MMP20: variants seen among roughly 807,000 people sequenced by gnomAD.
The protein encoded by MMP20 is matrix metallopeptidase 20.
In MMP20, 50 loss-of-function variants were observed where a neutral mutation model predicts 51.8. The observed-to-expected ratio is 0.97, with a 90% CI of 0.77 to 1.22. MMP20 has a LOEUF of 1.22. MMP20 is among the 50% of genes most tolerant of loss of function. The pLI is 0.00. For synonymous variants in MMP20, 244 were observed against 216.2 expected, an observed-to-expected ratio of 1.13 and a Z score of -1.13; for missense variants, 663 against 601.4, an observed-to-expected ratio of 1.10 and a Z score of -1.07.
chr11:102,592,279 C>T (rs1784444), intron 8 of MMP20, among the ~76,000 whole-genome samples: 77,309 of 151,988 alleles, frequency 0.51, 20,266 homozygotes, highest in South Asian at 0.67. Flanking sequence ...AAATAGCTGG[C>T]CTAGTGGCTT....
chr11:102,584,828 A>G (rs939040039), intron 8 of MMP20, among the ~76,000 whole-genome samples: 1 of 152,138 alleles, frequency 6.6e-6, no homozygotes, highest in African/African-American at 2.4e-5. Context: ...GTCTAAGTCC[A>G]TTCTTTTGCA....
At chr11:102,604,071 G>T (rs1355354568) in intron 6 of MMP20, among the ~76,000 whole-genome samples, 1 of 151,466 alleles carries the variant, frequency 6.6e-6, no homozygotes, top group Non-Finnish European at 1.5e-5. Flanking sequence ...GAATGAAATG[G>T]TATCATATGT....
At chr11:102,618,505 C>T (rs4285839) in intron 1 of MMP20, among the ~76,000 whole-genome samples, 63,554 of 151,254 alleles carry the variant, frequency 0.42, 13,643 homozygotes, top group South Asian at 0.59. Flanking sequence ...ATATATTATC[C>T]TATATTTATA....
rs758826999 is a variant in MMP20 at position 102,594,724 on chromosome 11, T to C, written c.987A>G (p.Thr329=). Residue 329 remains threonine (T), a synonymous_variant, in exon 7 of 10, where the codon ACA becomes ACG. Transcript: ENST00000260228. ...TGGTAATAGTGCTGGGCCGAATTCC[T>C]GTCCGCAAGTGAACCTGCCGTCTCC... The part of the protein sequence containing the change: ...IFWRRQVHLR[T]GIRPSTITSS... 29 of 1,606,534 alleles carry C rather than the reference T, an allele frequency of 1.8e-5. No individual in the cohort carries two copies. Among genetic ancestry groups the C allele is most frequent in the Admixed American group, 3.4e-5 (2 of 58,818 alleles).
chr11:102,605,091 G>A (rs1859497111), intron 6 of MMP20, among the ~76,000 whole-genome samples: 1 of 152,222 alleles, frequency 6.6e-6, no homozygotes, highest in Non-Finnish European at 1.5e-5. Context: ...ATGAGGTCAT[G>A]AGGGTGGGGG....
In MMP20 at chr11:102,594,692, A is replaced by T. The variant is rs1331154559; in HGVS notation, c.1019T>A (p.Phe340Tyr). 1 of 1,611,958 alleles carries T rather than the reference A, an allele frequency of 6.2e-7. No individual in the cohort carries two copies. Reference sequence around the variant, plus strand: ...ATCCACATTGGACATGAGCTGGGGGAAGGAGCTGGTAATAGTGCTGGGCCG... The same window carrying T: ...ATCCACATTGGACATGAGCTGGGGGTAGGAGCTGGTAATAGTGCTGGGCCG... Reference protein sequence around the residue: ...GIRPSTITSSFPQLMSNVDAA... With the variant: ...GIRPSTITSSYPQLMSNVDAA... The change falls in exon 7 of 10, where the codon TTC becomes TAC. Residue 340 changes from phenylalanine to tyrosine, a missense_variant. Coordinates refer to ENST00000260228, the MANE Select transcript of MMP20 (RefSeq NM_004771.4).
chr11:102,608,838 T>G lies in MMP20; in HGVS notation c.811+99A>C, dbSNP rs185325304. On this transcript the variant is annotated intron_variant, in intron 5 of 9. Transcript: ENST00000260228. ...CATAGTTGGGGTTATGGTTTCTAGATTGATCTTTACCAATGCAGATAAAAT... is the reference window on the plus strand; with the variant it reads ...CATAGTTGGGGTTATGGTTTCTAGAGTGATCTTTACCAATGCAGATAAAAT... 1.6e-5 allele frequency: 20 copies of G among 1,275,582 alleles called. No individual in the cohort carries two copies. In the African/African-American group the frequency reaches 2.6e-4, roughly 17 times the overall value. 79.0% of individuals were successfully genotyped at this position (1,275,582 alleles called of 1,614,324 possible).
chr11:102,593,725 A>G, intron 7 of MMP20, 130 bp from the exon 8 acceptor site: 1 of 979,522 alleles, frequency 1.0e-6, no homozygotes, highest in Non-Finnish European at 1.6e-6. Flanking sequence ...TAACCCAACA[A>G]GAGATATAAG....
intron 1 of MMP20, among the ~76,000 whole-genome samples, chr11:102,624,957 A>C (rs760522443): frequency 6.6e-6 from 1 of 152,196 alleles, no homozygotes; most frequent in African/African-American, 2.4e-5. Flanking sequence ...TTCTTTATGA[A>C]GCAAGATAGC....
Position 102,621,035 on chromosome 11 carries a change from A to G in MMP20, c.127-3976T>C, listed in dbSNP as rs538900033. On this transcript the variant is annotated intron_variant, in intron 1 of 9. Transcript: ENST00000260228. ...CATCTGCGTGGCTGGCCCACCCTTC[A>G]GGGTCAGCAGCTTAACTCTTTCTCT... 1.4e-4 allele frequency among the ~76,000 whole-genome samples: 21 copies of G among 152,262 alleles called. No individual in the cohort carries two copies. The South Asian group carries it at 4.4e-3, about 32-fold the overall frequency.
chr11:102,621,848 CTT>C (rs1422392390), intron 1 of MMP20, among the ~76,000 whole-genome samples: 4 of 152,060 alleles, frequency 2.6e-5, no homozygotes, highest in Non-Finnish European at 4.4e-5. Flanking sequence ...TTTAAAAAGT[CTT>C]TATCATAGAA....
intron 6 of MMP20, among the ~76,000 whole-genome samples, chr11:102,595,014 C>A (rs1200482913): frequency 6.6e-6 from 1 of 151,730 alleles, no homozygotes; most frequent in African/African-American, 2.4e-5. Context: ...CTCCACCTCT[C>A]CAGTTCAAGC....
At chr11:102,595,229 C>A (rs918583837) in intron 6 of MMP20, among the ~76,000 whole-genome samples, 1 of 152,142 alleles carries the variant, frequency 6.6e-6, no homozygotes, top group South Asian at 2.1e-4. Flanking sequence ...GTCCATTCCA[C>A]CCTTGCCATG....
intron 8 of MMP20, among the ~76,000 whole-genome samples, chr11:102,584,503 G>A (rs530951162): frequency 7.8e-4 from 119 of 152,140 alleles, no homozygotes; most frequent in Middle Eastern, 6.8e-3. Context: ...TTGAATAGTC[G>A]TTTATATATT....
intron 2 of MMP20, among the ~76,000 whole-genome samples, chr11:102,615,232 T>C (rs1255260076): frequency 6.8e-6 from 1 of 147,400 alleles, no homozygotes; most frequent in African/African-American, 2.5e-5. Flanking sequence ...TACAAAAATA[T>C]ATTTTAATAA....
chr11:102,591,277 A>G (rs1456160658), intron 8 of MMP20, among the ~76,000 whole-genome samples: 2 of 152,208 alleles, frequency 1.3e-5, no homozygotes, highest in Non-Finnish European at 2.9e-5. Context: ...GAAGACTGCC[A>G]TTGCTGAAGG....
intron 7 of MMP20, 103 bp from the exon 8 acceptor site, chr11:102,593,698 G>T (rs1565392077): frequency 5.1e-5 from 65 of 1,279,156 alleles, no homozygotes; most frequent in Non-Finnish European, 5.8e-5. Context: ...TAGTTTATGG[G>T]ATACTTGCCA....
intron 4 of MMP20, among the ~76,000 whole-genome samples, chr11:102,609,392 T>C (rs1319686277): frequency 6.6e-6 from 1 of 152,196 alleles, no homozygotes; most frequent in African/African-American, 2.4e-5. Context: ...GAACAAATAG[T>C]GGCAATGCTA....
chr11:102,594,688 G>C lies in MMP20; in HGVS notation c.1023C>G (p.Pro341=), dbSNP rs1248977013. The C allele has an allele frequency of 6.2e-7, 1 of 1,613,322 alleles. No homozygotes were observed. The highest frequency in any genetic ancestry group is 1.3e-5 in the African/African-American group (1 of 74,670). ...IRPSTITSSF[P]QLMSNVDAAY... ...CTGCATCCACATTGGACATGAGCTG[G>C]GGGAAGGAGCTGGTAATAGTGCTGG... Residue 341 remains proline (P), a synonymous_variant, in exon 7 of 10, where the codon CCC becomes CCG. Coordinates refer to ENST00000260228, the MANE Select transcript of MMP20 (RefSeq NM_004771.4).
Sources: gnomAD v4.1 joint callset for allele counts (sites outside exome capture counted in the v4.1 genomes callset) on GRCh38, gnomAD v4.1.1 for gene constraint, MANE v1.5 for transcripts, NCBI Gene and HGNC (gene_info 2026-07-23, HGNC 2026-07-21) for gene names.